G6PC3: variants seen among roughly 807,000 people sequenced by gnomAD.
The protein encoded by G6PC3 is glucose-6-phosphatase catalytic subunit 3, also known as glucose-6-phosphatase 3.
G6PC3 carries 30 observed loss-of-function variants against 38.6 expected under a neutral mutation model. The observed-to-expected ratio is 0.78, with a 90% CI of 0.58 to 1.05. G6PC3 has a LOEUF of 1.05. Ranked by LOEUF, G6PC3 falls within the 50% of genes least tolerant of loss-of-function variation. The pLI is 0.00. For missense variants in G6PC3, 377 were observed against 443.1 expected, an observed-to-expected ratio of 0.85 and a Z score of 1.34; for synonymous variants, 192 against 178.1, an observed-to-expected ratio of 1.08 and a Z score of -0.62.
In G6PC3 at chr17:44,070,846, G is replaced by C. The variant is rs2049962049; in HGVS notation, c.-120G>C. ...GGGGCTTGGTGGTGACCGCTGGCGG[G>C]GCGGGGCCTGGGGCTCAGAGGGGTG... On this transcript the variant is annotated 5_prime_UTR_variant, in exon 1 of 6. Coordinates refer to ENST00000269097, the MANE Select transcript of G6PC3 (RefSeq NM_138387.4). 1 of 1,169,320 alleles carries C rather than the reference G, an allele frequency of 8.6e-7. No individual in the cohort carries two copies. The allele number at this position is 1,169,320 out of a possible 1,614,324, so 72.4% of individuals were successfully genotyped here. A position where few individuals can be genotyped will look rare whatever the true frequency, so the allele number is the denominator to read the frequency against.
intron 1 of G6PC3, chr17:44,071,614 C>G: frequency 7.9e-7 from 1 of 1,268,602 alleles, no homozygotes; most frequent in Non-Finnish European, 1.0e-6. Context: ...CATTCATTTG[C>G]TATAATTTTT....
intron 1 of G6PC3, chr17:44,071,678 T>G (rs1275233013): frequency 7.8e-7 from 1 of 1,281,900 alleles, no homozygotes; most frequent in Non-Finnish European, 1.0e-6. Flanking sequence ...CAGAGACACC[T>G]TGCAGATTAA....
intron 1 of G6PC3, chr17:44,071,939 G>C (rs189809986): frequency 3.1e-6 from 1 of 321,148 alleles, no homozygotes; most frequent in Admixed American, 4.1e-5. Flanking sequence ...GGAATCCCAG[G>C]GACATGGGTG....
chr17:44,072,154 AC>A (rs2049991867), intron 1 of G6PC3: 1 of 193,362 alleles, frequency 5.2e-6, no homozygotes, highest in Admixed American at 5.5e-5. Flanking sequence ...AAAGGGAACC[AC>A]AGTGATCTGT....
chr17:44,074,948 C>T (rs1567969706), intron 3 of G6PC3, 21 bp from the exon 4 acceptor site: 1 of 1,600,084 alleles, frequency 6.2e-7, no homozygotes, highest in East Asian at 2.2e-5. Flanking sequence ...GCTCTGAGCT[C>T]CTTGCCTCTC....
At position 44,071,223 on chromosome 17, in the gene G6PC3, C is replaced by G. The variant is rs767499059; in HGVS notation, c.218+40C>G. The G allele has an allele frequency of 1.3e-5, 21 of 1,597,402 alleles. No individual in the cohort carries two copies. In the Admixed American group the frequency reaches 1.9e-4, roughly 14 times the overall value. Reference sequence around the variant, plus strand: ...CCCTCCGGCATCCTGGTCCCCACCCCCGAGGGCCCTGAGTCATGTGTAAGC... The same window carrying G: ...CCCTCCGGCATCCTGGTCCCCACCCGCGAGGGCCCTGAGTCATGTGTAAGC... On this transcript the variant is annotated intron_variant, in intron 1 of 5. Coordinates refer to ENST00000269097, the MANE Select transcript of G6PC3 (RefSeq NM_138387.4).
At position 44,071,719 on chromosome 17, in the gene G6PC3, T is replaced by C. The variant is rs1356678222; in HGVS notation, c.218+536T>C. The stretch of plus-strand genomic sequence containing the variant: ...GGTCCCTGGACCATGCCCAACGGCA[T>C]AGGCAGCACTTGAAAACTGGCTAAA... On this transcript the variant is annotated intron_variant, in intron 1 of 5. Transcript: ENST00000269097. 7.6e-6 allele frequency: 8 copies of C among 1,046,360 alleles called. No homozygotes were observed. In the African/African-American group the frequency reaches 9.8e-5, roughly 13 times the overall value. 64.8% of individuals were successfully genotyped at this position (1,046,360 alleles called of 1,614,324 possible).
At position 44,075,698 on chromosome 17, in the gene G6PC3, C is replaced by T. The variant is rs781564534; in HGVS notation, c.696C>T (p.Phe232=). The change falls in exon 6 of 6, where the codon TTC becomes TTT. Residue 232 remains phenylalanine, a synonymous_variant. Transcript: ENST00000269097. The part of the protein sequence containing the change: ...LDLSWSISLA[F]KWCERPEWIH... ...CCCACAGGTCCATCAGCCTAGCCTT[C>T]AAGTGGTGTGAGCGGCCTGAGTGGA... is the stretch of plus-strand genomic sequence containing the variant. The T allele has an allele frequency of 6.2e-7, 1 of 1,612,106 alleles. No individual in the cohort carries two copies. The highest frequency in any genetic ancestry group is 8.5e-7 in the Non-Finnish European group (1 of 1,180,014).
chr17:44,075,762 G>A lies in G6PC3; in HGVS notation c.760G>A (p.Asp254Asn), dbSNP rs200971807. Residue 254 changes from aspartate to asparagine, a missense_variant, in exon 6 of 6, where the codon GAC becomes AAC. Asp to Asn is a conservative substitution (Grantham distance 23). Transcript: ENST00000269097. ...CCGGCCCTTTGCCTCCCTGAGCCGT[G>A]ACTCAGGGGCTGCCCTGGGCCTGGG... ...DSRPFASLSR[D>N]SGAALGLGIA... 19 of 1,612,484 alleles carry A rather than the reference G, an allele frequency of 1.2e-5. No individual in the cohort carries two copies. Among genetic ancestry groups the A allele is most frequent in the Non-Finnish European group, 1.5e-5 (18 of 1,179,980 alleles).
In G6PC3 at chr17:44,075,734, T is replaced by C. The variant is rs1597911422; in HGVS notation, c.732T>C (p.Asp244=). Reference sequence around the variant, plus strand: ...AGCGGCCTGAGTGGATACACGTGGATAGCCGGCCCTTTGCCTCCCTGAGCC... The same window carrying C: ...AGCGGCCTGAGTGGATACACGTGGACAGCCGGCCCTTTGCCTCCCTGAGCC... ...WCERPEWIHV[D]SRPFASLSRD... Residue 244 remains aspartate (D), a synonymous_variant, in exon 6 of 6, where the codon GAT becomes GAC. Transcript: ENST00000269097. 6.2e-7 allele frequency: 1 copy of C among 1,612,850 alleles called. No homozygotes were observed.
Position 44,075,190 on chromosome 17 carries a change from C to T in G6PC3, c.535+103C>T, listed in dbSNP as rs192012380. On this transcript the variant is annotated intron_variant, in intron 4 of 5. Coordinates refer to ENST00000269097, the MANE Select transcript of G6PC3 (RefSeq NM_138387.4). ...CTCCCAGCTTCTGTAGAGCCCACCC[C>T]AGAGGCCCCCCGTTATGTCTCAGTT... The T allele has an allele frequency of 6.6e-6, 10 of 1,509,794 alleles. No homozygotes were observed. The East Asian group carries it at 1.8e-4, about 27-fold the overall frequency. The allele number at this position is 1,509,794 out of a possible 1,614,324, so 93.5% of individuals were successfully genotyped here. A position where few individuals can be genotyped will look rare whatever the true frequency, so the allele number is the denominator to read the frequency against.
chr17:44,072,362 C>T (rs1210505107), intron 1 of G6PC3: 1 of 129,640 alleles, frequency 7.7e-6, no homozygotes, highest in East Asian at 2.2e-4. Flanking sequence ...CGGAGTCTCG[C>T]TCAGTTGCCC....
chr17:44,074,717 C>T lies in G6PC3; in HGVS notation c.363C>T (p.Ala121=), dbSNP rs755612870. The change falls in exon 3 of 6, where the codon GCC becomes GCT. Residue 121 remains alanine, a synonymous_variant. Transcript: ENST00000269097. ...PSGHCMITGA[A]LWPIMTALSS... ...GACACTGCATGATCACAGGAGCAGC[C>T]CTCTGGCCCATAATGACGGCCCTGT... is the stretch of plus-strand genomic sequence containing the variant. 1.2e-6 allele frequency: 2 copies of T among 1,614,082 alleles called. No homozygotes were observed. The highest frequency in any genetic ancestry group is 1.7e-5 in the Admixed American group (1 of 60,004).
chr17:44,074,885 G>A (rs1348462113), intron 3 of G6PC3, 84 bp from the exon 4 acceptor site: 1 of 1,454,812 alleles, frequency 6.9e-7, no homozygotes, highest in African/African-American at 1.4e-5. Context: ...AGGTTGTGTG[G>A]TTCAACCATG....
intron 3 of G6PC3, 71 bp from the exon 4 acceptor site, chr17:44,074,898 G>A: frequency 2.7e-6 from 4 of 1,458,966 alleles, no homozygotes; most frequent in Admixed American, 3.3e-5. Flanking sequence ...CAACCATGGA[G>A]TACCTGGGTG....
At chr17:44,074,608 A>G (rs2050040558) in intron 2 of G6PC3, 72 bp from the exon 3 acceptor site, 1 of 1,221,250 alleles carries the variant, frequency 8.2e-7, no homozygotes, top group African/African-American at 1.5e-5. Context: ...CAGCTGTATT[A>G]TTGAGGCATC....
rs1412856869 is a variant in G6PC3 at position 44,076,154 on chromosome 17, C to T, written c.*111C>T. ...CCAGCCCCTAAGTAGGCCCTCCCCT[C>T]CCTAAATCTGCTTCCGCACCACCTG... On this transcript the variant is annotated 3_prime_UTR_variant, in exon 6 of 6. Coordinates refer to ENST00000269097, the MANE Select transcript of G6PC3 (RefSeq NM_138387.4). 7.1e-7 allele frequency: 1 copy of T among 1,402,864 alleles called. No individual in the cohort carries two copies. The highest frequency in any genetic ancestry group is 1.7e-5 in the Admixed American group (1 of 59,754). The allele number at this position is 1,402,864 out of a possible 1,614,324, so 86.9% of individuals were successfully genotyped here.
chr17:44,075,893 G>A lies in G6PC3; in HGVS notation c.891G>A (p.Leu297=). 1.2e-6 allele frequency: 2 copies of A among 1,612,902 alleles called. No individual in the cohort carries two copies. Among genetic ancestry groups the A allele is most frequent in the Non-Finnish European group, 1.7e-6 (2 of 1,180,002 alleles). ...LVLAMGLLGP[L]DWLGHPPQIS... ...TGGCCATGGGGCTGCTGGGCCCCCT[G>A]GACTGGCTGGGCCACCCCCCTCAGA... The change falls in exon 6 of 6, where the codon CTG becomes CTA. Residue 297 remains leucine (L), a synonymous_variant. Coordinates refer to ENST00000269097, the MANE Select transcript of G6PC3 (RefSeq NM_138387.4).
At position 44,076,120 on chromosome 17, in the gene G6PC3, C is replaced by A. The variant is rs1454386188; in HGVS notation, c.*77C>A. 1.3e-6 allele frequency: 2 copies of A among 1,581,840 alleles called. No individual in the cohort carries two copies. The highest frequency in any genetic ancestry group is 2.7e-5 in the African/African-American group (2 of 74,592). On this transcript the variant is annotated 3_prime_UTR_variant, in exon 6 of 6. Coordinates refer to ENST00000269097, the MANE Select transcript of G6PC3 (RefSeq NM_138387.4). ...ACCACCACACTCCAGGAGGCAGCCC[C>A]ATCCCCTTCCAGCCCCTAAGTAGGC...
Sources: allele counts gnomAD v4.1 joint callset, GRCh38; gene constraint gnomAD v4.1.1; transcripts MANE v1.5; gene names NCBI Gene and HGNC (gene_info 2026-07-23, HGNC 2026-07-21).